TMEM245: variants seen among roughly 807,000 people sequenced by gnomAD.
TMEM245 encodes transmembrane protein 245.
TMEM245 carries 69 observed loss-of-function variants against 101.2 expected under a neutral mutation model. The observed-to-expected ratio is 0.68, with a 90% CI of 0.56 to 0.83. The LOEUF (loss-of-function observed/expected upper bound fraction) is 0.83. Ranked by LOEUF, TMEM245 falls within the 40% of genes least tolerant of loss-of-function variation. The pLI is 0.00. For synonymous variants in TMEM245, 537 were observed against 449.8 expected, an observed-to-expected ratio of 1.19 and a Z score of -2.45; for missense variants, 1,075 against 1,092.8, an observed-to-expected ratio of 0.98 and a Z score of 0.23.
chr9:109,021,812 A>AC (rs1049423932), intron 17 of TMEM245, among the ~76,000 whole-genome samples: 40 of 151,178 alleles, frequency 2.6e-4, no homozygotes, highest in South Asian at 6.3e-4. Context: ...CACCACCACC[A>AC]CCCCCCCAAA....
chr9:109,091,111 G>C lies in TMEM245; in HGVS notation c.961C>G (p.Pro321Ala). The change falls in exon 5 of 18, where the codon CCT becomes GCT. Residue 321 changes from proline (P) to alanine (A), a missense_variant. By Grantham distance (27) the Pro-to-Ala change is conservative (BLOSUM62 -1). Transcript: ENST00000374586. ...GTGGGTGAAGGGGAGGAGGGTGAAG[G>C]GGAGGTGGACAACGTTGGAGCGGAT... ...GESAPTLSTS[P>A]SPSSPSPTSP... The C allele has an allele frequency of 6.2e-7, 1 of 1,614,150 alleles. No individual in the cohort carries two copies. Among genetic ancestry groups the C allele is most frequent in the Middle Eastern group, 1.7e-4 (1 of 6,060 alleles).
At chr9:109,094,226 A>C (rs1230115672) in intron 3 of TMEM245, among the ~76,000 whole-genome samples, 2 of 152,242 alleles carry the variant, frequency 1.3e-5, no homozygotes, top group Non-Finnish European at 2.9e-5. Context: ...TAAAACATTC[A>C]CTGGCAAAGG....
At position 109,062,799 on chromosome 9, in the gene TMEM245, C is replaced by T. The variant is rs564797623; in HGVS notation, c.1623+1678G>A. Among the ~76,000 whole-genome samples, 4 of 152,214 alleles carry T rather than the reference C, an allele frequency of 2.6e-5. No individual in the cohort carries two copies. In the South Asian group the frequency reaches 6.2e-4, roughly 24 times the overall value. ...CAGCCTGGGCAACATGGTGAAACCA[C>T]GTCTCTATAAAAACAGAAAAATTGG... On this transcript the variant is annotated intron_variant, in intron 10 of 17. Coordinates refer to ENST00000374586, the MANE Select transcript of TMEM245 (RefSeq NM_032012.4).
intron 14 of TMEM245, chr9:109,046,201 A>G: frequency 1.9e-6 from 1 of 533,784 alleles, no homozygotes; most frequent in Non-Finnish European, 3.9e-6. Context: ...AGCAAGCAAG[A>G]GCCATACCCG....
intron 7 of TMEM245, among the ~76,000 whole-genome samples, chr9:109,082,903 G>C (rs1377350754): frequency 2.0e-5 from 3 of 152,040 alleles, no homozygotes; most frequent in Admixed American, 1.3e-4. Flanking sequence ...GACAGTGAGG[G>C]TTGGATGTTT....
intron 14 of TMEM245, among the ~76,000 whole-genome samples, chr9:109,045,066 C>A (rs62575219): frequency 0.07 from 10,641 of 152,218 alleles, 449 homozygotes; most frequent in South Asian, 0.13. Context: ...GGCCTCATTT[C>A]TTTTGTTGGG....
intron 3 of TMEM245, among the ~76,000 whole-genome samples, chr9:109,101,833 C>T (rs1342834769): frequency 6.6e-6 from 1 of 152,112 alleles, no homozygotes; most frequent in Non-Finnish European, 1.5e-5. Flanking sequence ...TTCTTTTTCC[C>T]CTTGCTCAAA....
rs937040784 is a variant in TMEM245 at position 109,085,856 on chromosome 9, C to T, written c.1344+141G>A. 5.5e-6 allele frequency: 5 copies of T among 915,954 alleles called. No homozygotes were observed. The African/African-American group carries it at 8.3e-5, about 15-fold the overall frequency. The allele number at this position is 915,954 out of a possible 1,614,324, so 56.7% of individuals were successfully genotyped here. On this transcript the variant is annotated intron_variant, in intron 7 of 17. Coordinates refer to ENST00000374586, the MANE Select transcript of TMEM245 (RefSeq NM_032012.4). ...TTATACTGTGATAGTATTCATGCTT[C>T]ACAACCTTCCATAGCTTATAATTAA...
intron 2 of TMEM245, among the ~76,000 whole-genome samples, chr9:109,107,654 T>A (rs73520937): frequency 6.6e-6 from 1 of 152,112 alleles, no homozygotes; most frequent in Non-Finnish European, 1.5e-5. Context: ...AGCTGTTTTT[T>A]ATTTTATTTT....
In TMEM245 at chr9:109,018,527, G is replaced by C. The variant is rs989520516; in HGVS notation, c.*1933C>G. 2.0e-5 allele frequency: 3 copies of C among 152,072 alleles called. No homozygotes were observed. Among genetic ancestry groups the C allele is most frequent in the Non-Finnish European group, 4.4e-5 (3 of 68,012 alleles). The allele number at this position is 152,072 out of a possible 1,614,324, so 9.4% of individuals were successfully genotyped here. On this transcript the variant is annotated 3_prime_UTR_variant, in exon 18 of 18. Coordinates refer to ENST00000374586, the MANE Select transcript of TMEM245 (RefSeq NM_032012.4). ...AAAATATTCATAATAGAAATAAAGA[G>C]ATCTGTATGCAGTCTACTCCATATA...
At chr9:109,081,697 T>C (rs2132524687) in intron 7 of TMEM245, among the ~76,000 whole-genome samples, 1 of 152,320 alleles carries the variant, frequency 6.6e-6, no homozygotes, top group Middle Eastern at 3.4e-3. Context: ...TTTTAAAATC[T>C]GATATTCTAC....
intron 7 of TMEM245, among the ~76,000 whole-genome samples, chr9:109,083,693 A>G (rs142278473): frequency 6.6e-6 from 1 of 151,898 alleles, no homozygotes; most frequent in East Asian, 1.9e-4. Flanking sequence ...CTGGGCCTAT[A>G]TATTTTTCAT....
intron 5 of TMEM245, among the ~76,000 whole-genome samples, chr9:109,089,305 T>C (rs984468782): frequency 6.6e-6 from 1 of 151,930 alleles, no homozygotes; most frequent in East Asian, 1.9e-4. Context: ...GGCACTACTA[T>C]ACCATGCTCT....
rs1170588846 is a variant in TMEM245, at chr9:109,019,425, T to C, written c.*1035A>G. The C allele has an allele frequency of 6.6e-6, 1 of 152,234 alleles. No individual in the cohort carries two copies. The highest frequency in any genetic ancestry group is 1.5e-5 in the Non-Finnish European group (1 of 68,040). The allele number at this position is 152,234 out of a possible 1,614,324, so 9.4% of individuals were successfully genotyped here. ...AAGCTGATGTGATGTACTTGTGAAATAGTATGTGCAAAAGGACTTTGTAAA... is the reference window on the plus strand; with the variant it reads ...AAGCTGATGTGATGTACTTGTGAAACAGTATGTGCAAAAGGACTTTGTAAA... On this transcript the variant is annotated 3_prime_UTR_variant, in exon 18 of 18. Coordinates refer to ENST00000374586, the MANE Select transcript of TMEM245 (RefSeq NM_032012.4).
chr9:109,056,108 G>A (rs1828826643), intron 12 of TMEM245, among the ~76,000 whole-genome samples: 2 of 152,110 alleles, frequency 1.3e-5, no homozygotes, highest in South Asian at 4.1e-4. Flanking sequence ...ATCTAAAACT[G>A]CAAAACAAAG....
intron 9 of TMEM245, among the ~76,000 whole-genome samples, chr9:109,066,325 C>A (rs1829162289): frequency 6.6e-6 from 1 of 151,720 alleles, no homozygotes; most frequent in Non-Finnish European, 1.5e-5. Flanking sequence ...CATGGTTGCA[C>A]AAAACTGTAG....
intron 9 of TMEM245, among the ~76,000 whole-genome samples, chr9:109,065,756 C>T (rs1829149267): frequency 6.6e-6 from 1 of 152,092 alleles, no homozygotes; most frequent in African/African-American, 2.4e-5. Flanking sequence ...ACAAATTTAA[C>T]AGTCCTCATT....
intron 17 of TMEM245, among the ~76,000 whole-genome samples, chr9:109,031,619 G>A (rs1827946236): frequency 6.6e-6 from 1 of 152,198 alleles, no homozygotes; most frequent in Non-Finnish European, 1.5e-5. Context: ...GTCTGACTGA[G>A]AGGAGGCAGG....
Position 109,119,862 on chromosome 9 carries a change from C to G in TMEM245, c.52G>C (p.Gly18Arg). The G allele has an allele frequency of 1.5e-6, 2 of 1,323,110 alleles. No homozygotes were observed. Among genetic ancestry groups the G allele is most frequent in the Non-Finnish European group, 1.9e-6 (2 of 1,046,400 alleles). 82.0% of individuals were successfully genotyped at this position (1,323,110 alleles called of 1,614,324 possible). A position where few individuals can be genotyped will look rare whatever the true frequency, so the allele number is the denominator to read the frequency against. Residue 18 changes from glycine (G) to arginine (R), a missense_variant, in exon 1 of 18, where the codon GGG (glycine) becomes CGG (arginine). Around this residue, in one of 2 missense-constraint regions of TMEM245, gnomAD observed 808 missense variants for 741.5 expected, o/e 1.09. Coordinates refer to ENST00000374586, the MANE Select transcript of TMEM245 (RefSeq NM_032012.4). ...GCGCGCGGGACCCGCGGCGCCGGCC[C>G]GGGAGAGCTCCGCAGGCTTGGCGCG... ...KDAPSLRSSP[G>R]PAPRVPRAVG...
Sources: allele counts gnomAD v4.1 joint callset (sites outside exome capture counted in the v4.1 genomes callset), GRCh38; gene constraint gnomAD v4.1.1; regional missense constraint gnomAD v4.1.1; transcripts MANE v1.5; gene names NCBI Gene and HGNC (gene_info 2026-07-23, HGNC 2026-07-21).